SECTM1: variants seen among roughly 807,000 people sequenced by gnomAD.
SECTM1 encodes the protein secreted and transmembrane 1, also known as secreted and transmembrane protein 1.
A neutral mutation model predicts 18.1 loss-of-function variants in SECTM1; 10 were observed. The observed-to-expected ratio is 0.55, with a 90% CI of 0.34 to 0.94. The LOEUF is 0.94. Among genes scored for constraint, SECTM1 ranks in the 40% least tolerant of loss-of-function variants. The pLI is 0.02. For synonymous variants in SECTM1, 137 were observed against 139.2 expected (o/e 0.98, Z 0.11); for missense variants, 297 against 322.6 (o/e 0.92, Z 0.61).
chr17:82,324,878 G>A lies in SECTM1; in HGVS notation c.107C>T (p.Pro36Leu). 1.9e-6 allele frequency: 3 copies of A among 1,611,006 alleles called. No homozygotes were observed. The highest frequency in any genetic ancestry group is 2.2e-5 in the East Asian group (1 of 44,778). Residue 36 changes from proline to leucine, a missense_variant, in exon 3 of 5, where the codon CCC becomes CTC. Coordinates refer to ENST00000269389, the MANE Select transcript of SECTM1 (RefSeq NM_003004.3). ...AGAGACTACCCCCTCTGTGCAGATG[G>A]GGCTGTCCCAGCCTGTAGGGCCAGA... ...LSAQNEGWDSPICTEGVVSVS... is the reference protein window; with the variant it reads ...LSAQNEGWDSLICTEGVVSVS...
Position 82,325,760 on chromosome 17 carries a change from G to C in SECTM1, c.95-870C>G, listed in dbSNP as rs1879630575. Among the ~76,000 whole-genome samples, 1 of 152,232 alleles carries C rather than the reference G, an allele frequency of 6.6e-6. No individual in the cohort carries two copies. The highest frequency in any genetic ancestry group is 2.4e-5 in the African/African-American group (1 of 41,466). On this transcript the variant is annotated intron_variant, in intron 2 of 4. Transcript: ENST00000269389. The surrounding 1 kb of genome is among the most constrained non-coding windows in gnomAD (Gnocchi z 7.6). ...GGTACCAGCCTGAGGTCTTGGTGCT[G>C]CTACTGTCCCTGCTGCGTCAGCGTC...
At chr17:82,322,415 G>A (rs377150254) in intron 4 of SECTM1, 45 bp from the exon 5 acceptor site, 72 of 1,575,798 alleles carry the variant, frequency 4.6e-5, no homozygotes, top group Middle Eastern at 3.5e-4. Context: ...GCGCGCCCCC[G>A]TGCCCACAGC....
At chr17:82,327,888 A>T (rs1327927192) in intron 1 of SECTM1, among the ~76,000 whole-genome samples, 1 of 146,622 alleles carries the variant, frequency 6.8e-6, no homozygotes, top group Admixed American at 6.8e-5. Flanking sequence ...CGACTCCCCC[A>T]GCCAAGCCCA....
Position 82,325,553 on chromosome 17 carries a change from C to T in SECTM1, c.95-663G>A, listed in dbSNP as rs1156761720. Reference sequence around the variant, plus strand: ...GTTGCTGGGCCAGCTCCATACACAGCTCCACAGTCCTGGGAGGTCAAGTCC... The same window carrying T: ...GTTGCTGGGCCAGCTCCATACACAGTTCCACAGTCCTGGGAGGTCAAGTCC... On this transcript the variant is annotated intron_variant, in intron 2 of 4. Coordinates refer to ENST00000269389, the MANE Select transcript of SECTM1 (RefSeq NM_003004.3). This position sits in a 1 kb window ranked among gnomAD's most constrained non-coding sequence, Gnocchi z 7.6. Among the ~76,000 whole-genome samples, 1 of 152,244 alleles carries T rather than the reference C, an allele frequency of 6.6e-6. No individual in the cohort carries two copies. Among genetic ancestry groups the T allele is most frequent in the Non-Finnish European group, 1.5e-5 (1 of 68,026 alleles).
At chr17:82,332,218 G>A (rs536964792) in intron 1 of SECTM1, among the ~76,000 whole-genome samples, 25 of 152,346 alleles carry the variant, frequency 1.6e-4, no homozygotes, top group Non-Finnish European at 2.9e-4. Context: ...CTCAAACCAC[G>A]AACACAGGGG....
rs1352236553 is a variant in SECTM1 at position 82,323,011 on chromosome 17, C to T, written c.404G>A (p.Gly135Asp). ...NNRQVTLEVS[G>D]AEPQSAPDTG... ...GTCGGGGGCGGACTGGGGTTCTGCA[C>T]CTGAAGGAGGCAGTTCAGGGGTGTA... is the stretch of plus-strand genomic sequence containing the variant. The change falls in exon 4 of 5, where the codon GGT (glycine) becomes GAT (aspartate). Residue 135 changes from glycine to aspartate, a missense_variant and splice_region_variant. Physicochemically the swap from Gly to Asp is moderately conservative, Grantham distance 94. Coordinates refer to ENST00000269389, the MANE Select transcript of SECTM1 (RefSeq NM_003004.3). The T allele has an allele frequency of 1.2e-6, 2 of 1,610,894 alleles. No homozygotes were observed. Among genetic ancestry groups the T allele is most frequent in the East Asian group, 2.2e-5 (1 of 44,802 alleles).
Position 82,329,911 on chromosome 17 carries a change from G to A in SECTM1, c.-52-2619C>T, listed in dbSNP as rs1395444991. 6.6e-6 allele frequency among the ~76,000 whole-genome samples: 1 copy of A among 152,150 alleles called. No homozygotes were observed. Among genetic ancestry groups the A allele is most frequent in the East Asian group, 1.9e-4 (1 of 5,186 alleles). Reference sequence around the variant, plus strand: ...CCCCCCTGGGTGACCCAGGACACATGCCCCAGCTCAGCACCCGAGGCTTCA... The same window carrying A: ...CCCCCCTGGGTGACCCAGGACACATACCCCAGCTCAGCACCCGAGGCTTCA... On this transcript the variant is annotated intron_variant, in intron 1 of 4. Transcript: ENST00000269389. This position sits in a 1 kb window ranked among gnomAD's most constrained non-coding sequence, Gnocchi z 7.6.
rs1464248792 is a variant in SECTM1 at position 82,330,752 on chromosome 17, TGGCTCCTA to T, written c.-53+2940_-53+2947del. On this transcript the variant is annotated intron_variant, in intron 1 of 4. Coordinates refer to ENST00000269389, the MANE Select transcript of SECTM1 (RefSeq NM_003004.3). The surrounding 1 kb of genome is among the most constrained non-coding windows in gnomAD (Gnocchi z 6.1). ...CCACCGAGGGTGGACCCTGCAGTGC[TGGCTCCTA>T]GCCTCCCTGCCGATTGCTTCCTGAA... Among the ~76,000 whole-genome samples the T allele has an allele frequency of 6.6e-6, 1 of 152,078 alleles. No individual in the cohort carries two copies. Among genetic ancestry groups the T allele is most frequent in the African/African-American group, 2.4e-5 (1 of 41,412 alleles).
In SECTM1 at chr17:82,323,018, G is replaced by A; in HGVS notation, c.404-7C>T. 1.9e-6 allele frequency: 3 copies of A among 1,609,272 alleles called. No individual in the cohort carries two copies. Among genetic ancestry groups the A allele is most frequent in the Middle Eastern group, 1.7e-4 (1 of 6,050 alleles). ...GCGGACTGGGGTTCTGCACCTGAAG[G>A]AGGCAGTTCAGGGGTGTACAGGTGG... On this transcript the variant is annotated splice_polypyrimidine_tract_variant and splice_region_variant and intron_variant, in intron 3 of 4. Transcript: ENST00000269389.
At chr17:82,323,422 A>G (rs1447130478) in intron 3 of SECTM1, 3 of 177,694 alleles carry the variant, frequency 1.7e-5, no homozygotes, top group Non-Finnish European at 2.4e-5. Flanking sequence ...GGCTCACCAG[A>G]TGCCCTGGGG....
rs1198389611 is a variant in SECTM1, at chr17:82,322,756, G to A, written c.537+122C>T. ...TGGCGGGGACTGGCTCTCTGGGACC[G>A]GTGCTCCCCCCACCCTCTCCTGGAG... On this transcript the variant is annotated intron_variant, in intron 4 of 4. Transcript: ENST00000269389. The A allele has an allele frequency of 4.3e-5, 53 of 1,243,070 alleles. No homozygotes were observed. In the East Asian group the frequency reaches 6.6e-4, roughly 15 times the overall value. The allele number at this position is 1,243,070 out of a possible 1,614,324, so 77.0% of individuals were successfully genotyped here.
chr17:82,323,982 T>G (rs1208269573), intron 3 of SECTM1, among the ~76,000 whole-genome samples: 10 of 118,842 alleles, frequency 8.4e-5, no homozygotes, highest in Admixed American at 2.5e-4. Flanking sequence ...GGAGTGGGAG[T>G]GGGAGGGGCG....
chr17:82,327,332 C>T (rs1324036192), intron 1 of SECTM1, 40 bp from the exon 2 acceptor site: 12 of 1,195,320 alleles, frequency 1.0e-5, no homozygotes, highest in Non-Finnish European at 1.3e-5. Context: ...CCCCCTGCAG[C>T]TGCTGAAGGG....
chr17:82,332,896 G>T (rs1225500354), intron 1 of SECTM1, among the ~76,000 whole-genome samples: 3 of 152,218 alleles, frequency 2.0e-5, no homozygotes, highest in African/African-American at 7.2e-5. Flanking sequence ...CCTGCAGCCG[G>T]TCGCCCTGGG....
intron 1 of SECTM1, among the ~76,000 whole-genome samples, chr17:82,333,164 A>C (rs2052205623): frequency 6.6e-6 from 1 of 152,202 alleles, no homozygotes; most frequent in Admixed American, 6.5e-5. Context: ...GCGTGTGCTC[A>C]TGTGCGTGTG....
chr17:82,330,238 C>T lies in SECTM1; in HGVS notation c.-52-2946G>A, dbSNP rs569603447. On this transcript the variant is annotated intron_variant, in intron 1 of 4. Transcript: ENST00000269389. This position sits in a 1 kb window ranked among gnomAD's most constrained non-coding sequence, Gnocchi z 6.1. ...CTGCTCTCCGCACCACCCCGCCGAC[C>T]GTGTCCGGGAGGGGATGCCCTGCTG... Among the ~76,000 whole-genome samples, 39 of 152,304 alleles carry T rather than the reference C, an allele frequency of 2.6e-4. No individual in the cohort carries two copies. The highest frequency in any genetic ancestry group is 3.7e-4 in the Non-Finnish European group (25 of 67,994).
Position 82,321,999 on chromosome 17 carries a change from G to A in SECTM1, c.*162C>T. 1 of 616,450 alleles carries A rather than the reference G, an allele frequency of 1.6e-6. No individual in the cohort carries two copies. Among genetic ancestry groups the A allele is most frequent in the Non-Finnish European group, 2.8e-6 (1 of 353,744 alleles). 38.2% of individuals were successfully genotyped at this position (616,450 alleles called of 1,614,324 possible). A position where few individuals can be genotyped will look rare whatever the true frequency, so the allele number is the denominator to read the frequency against. ...GAGCTTGGAAGACCTGGGGGGTGGA[G>A]GGGAAGGGTCTGCACGCACCCAGGA... On this transcript the variant is annotated 3_prime_UTR_variant, in exon 5 of 5. Coordinates refer to ENST00000269389, the MANE Select transcript of SECTM1 (RefSeq NM_003004.3).
chr17:82,325,507 C>T lies in SECTM1; in HGVS notation c.95-617G>A, dbSNP rs917228632. ...ACCCCCAACATTCCCTTTCCCCTCC[C>T]GGCCACCCGCTCAGCTCCAGGTTGC... is the stretch of plus-strand genomic sequence containing the variant. On this transcript the variant is annotated intron_variant, in intron 2 of 4. Coordinates refer to ENST00000269389, the MANE Select transcript of SECTM1 (RefSeq NM_003004.3). The surrounding 1 kb of genome is among the most constrained non-coding windows in gnomAD (Gnocchi z 7.6). Among the ~76,000 whole-genome samples, 3 of 152,360 alleles carry T rather than the reference C, an allele frequency of 2.0e-5. No homozygotes were observed. The highest frequency in any genetic ancestry group is 6.5e-5 in the Admixed American group (1 of 15,310).
chr17:82,325,228 G>T lies in SECTM1; in HGVS notation c.95-338C>A, dbSNP rs189624605. 3.3e-3 allele frequency among the ~76,000 whole-genome samples: 509 copies of T among 152,326 alleles called. 3 individuals carry two copies. Among genetic ancestry groups the T allele is most frequent in the African/African-American group, 0.012 (493 of 41,562 alleles). The stretch of plus-strand genomic sequence containing the variant: ...TGGGGTGGGTGAAGTCAGAGCCTCA[G>T]GTGTGTGCCGGGCGGCTGCGCTGTG... On this transcript the variant is annotated intron_variant, in intron 2 of 4. Transcript: ENST00000269389. This position sits in a 1 kb window ranked among gnomAD's most constrained non-coding sequence, Gnocchi z 7.6.
Sources: gnomAD v4.1 joint callset for allele counts (sites outside exome capture counted in the v4.1 genomes callset) on GRCh38, gnomAD v4.1.1 for gene constraint, Gnocchi (gnomAD v3.1) non-coding constraint, MANE v1.5 for transcripts, NCBI Gene and HGNC (gene_info 2026-07-23, HGNC 2026-07-21) for gene names.